Variants in SCN3A observed in about 807,000 individuals in gnomAD.
SCN3A encodes sodium channel protein type 3 subunit alpha.
Under a neutral mutation model 187.6 loss-of-function variants are expected in SCN3A, and 60 were observed. The ratio of observed to expected loss-of-function variants is 0.32; its 90% confidence interval spans 0.26 to 0.40. The LOEUF is 0.40. Ranked by LOEUF, SCN3A falls within the 10% of genes least tolerant of loss-of-function variation. The pLI is 1.00. For missense variants in SCN3A, 1,601 were observed against 2,428.2 expected, an observed-to-expected ratio of 0.66 and a Z score of 7.16; for synonymous variants, 788 against 829.2, an observed-to-expected ratio of 0.95 and a Z score of 0.85.
intron 11 of SCN3A, among the ~76,000 whole-genome samples, chr2:165,154,006 T>TTTTTTTTTTTTA: frequency 1.3e-5 from 2 of 149,632 alleles, no homozygotes; most frequent in Non-Finnish European, 1.5e-5. Flanking sequence ...TTTTTTTTTT[T>TTTTTTTTTTTTA]TTGCTACAGA....
chr2:165,184,089 G>T (rs1691069156), intron 2 of SCN3A, among the ~76,000 whole-genome samples: 1 of 152,056 alleles, frequency 6.6e-6, no homozygotes, highest in African/African-American at 2.4e-5. Flanking sequence ...GAGAGCTAAT[G>T]ATTGTCTGTT....
At chr2:165,124,431 A>C (rs893344063) in intron 18 of SCN3A, among the ~76,000 whole-genome samples, 1 of 152,112 alleles carries the variant, frequency 6.6e-6, no homozygotes, top group Non-Finnish European at 1.5e-5. Context: ...AAGTTTTTCT[A>C]TCTTTTAGCT....
chr2:165,141,284 C>CTA (rs1436662334), intron 12 of SCN3A, among the ~76,000 whole-genome samples: 1 of 152,136 alleles, frequency 6.6e-6, no homozygotes, highest in African/African-American at 2.4e-5. Context: ...TATCATAATG[C>CTA]TATAGGTTAG....
chr2:165,110,934 T>C (rs1309724756), intron 21 of SCN3A, among the ~76,000 whole-genome samples: 6 of 152,352 alleles, frequency 3.9e-5, no homozygotes, highest in Admixed American at 1.3e-4. Context: ...GATTTTTACA[T>C]GATAATCATG....
intron 12 of SCN3A, among the ~76,000 whole-genome samples, chr2:165,141,499 T>C (rs973255420): frequency 6.6e-6 from 1 of 152,236 alleles, no homozygotes; most frequent in African/African-American, 2.4e-5. Flanking sequence ...TTCAGGATAA[T>C]TACTTTTTTA....
chr2:165,132,814 CA>C (rs1399056326), intron 15 of SCN3A, among the ~76,000 whole-genome samples: 2 of 152,060 alleles, frequency 1.3e-5, no homozygotes, highest in Non-Finnish European at 2.9e-5. Flanking sequence ...TTCTGCACAG[CA>C]AAAGATACTA....
intron 11 of SCN3A, among the ~76,000 whole-genome samples, chr2:165,147,891 A>T (rs544388791): frequency 1.1e-4 from 16 of 152,188 alleles, no homozygotes; most frequent in Non-Finnish European, 1.9e-4. Flanking sequence ...TGACATACAG[A>T]GGATATGAAA....
At chr2:165,180,292 T>C (rs1174880486) in intron 2 of SCN3A, among the ~76,000 whole-genome samples, 1 of 152,180 alleles carries the variant, frequency 6.6e-6, no homozygotes, top group African/African-American at 2.4e-5. Flanking sequence ...CAGGAACCCA[T>C]GGTCACTTCC....
Position 165,193,190 on chromosome 2 carries a change from G to T in SCN3A, c.-247-6443C>A, listed in dbSNP as rs553133292. 1.7e-4 allele frequency among the ~76,000 whole-genome samples: 26 copies of T among 152,152 alleles called. 1 individual carries two copies. Among genetic ancestry groups the T allele is most frequent in the African/African-American group, 6.0e-4 (25 of 41,514 alleles). On this transcript the variant is annotated intron_variant, in intron 1 of 27. Coordinates refer to ENST00000283254, the MANE Select transcript of SCN3A (RefSeq NM_006922.4). The stretch of plus-strand genomic sequence containing the variant: ...CAAGGGATCAAACCCATGAACAAAT[G>T]CATGAATTAAGCAAGAGGCGAATCC...
chr2:165,103,556 C>T (rs1685707462), intron 21 of SCN3A, among the ~76,000 whole-genome samples: 1 of 152,112 alleles, frequency 6.6e-6, no homozygotes, highest in South Asian at 2.1e-4. Flanking sequence ...TATCACACTA[C>T]ACAGTAAATA....
At chr2:165,170,812 T>C (rs1690057733) in intron 3 of SCN3A, among the ~76,000 whole-genome samples, 1 of 152,036 alleles carries the variant, frequency 6.6e-6, no homozygotes, top group African/African-American at 2.4e-5. Flanking sequence ...AATTTTTTTA[T>C]GGAATTGTAG....
intron 4 of SCN3A, among the ~76,000 whole-genome samples, chr2:165,169,933 AAAAG>A (rs1273333285): frequency 1.9e-4 from 29 of 151,904 alleles, no homozygotes; most frequent in Non-Finnish European, 4.1e-4. Context: ...TTTACTGAAA[AAAAG>A]AAGGGAATAA....
At chr2:165,183,714 T>A (rs1691036821) in intron 2 of SCN3A, among the ~76,000 whole-genome samples, 1 of 152,240 alleles carries the variant, frequency 6.6e-6, no homozygotes, top group East Asian at 1.9e-4. Context: ...GTAGTGTCTC[T>A]CTTTCCCTCT....
rs1684994903 is a variant in SCN3A at position 165,089,917 on chromosome 2, T to C, written c.*233A>G. 1 of 560,950 alleles carries C rather than the reference T, an allele frequency of 1.8e-6. No individual in the cohort carries two copies. The allele number at this position is 560,950 out of a possible 1,614,324, so 34.7% of individuals were successfully genotyped here. ...GTCTAGGTAGCCATTGGGTTTCTCC[T>C]CAGCAGTGTCAGCTGGTAATAAAAA... On this transcript the variant is annotated 3_prime_UTR_variant, in exon 28 of 28. Coordinates refer to ENST00000283254, the MANE Select transcript of SCN3A (RefSeq NM_006922.4).
intron 17 of SCN3A, among the ~76,000 whole-genome samples, chr2:165,128,396 A>T (rs1183659325): frequency 6.6e-6 from 1 of 152,056 alleles, no homozygotes; most frequent in Non-Finnish European, 1.5e-5. Context: ...CAGTGCAAAG[A>T]CAAAATCCTA....
At chr2:165,156,669 A>G (rs556925122) in intron 9 of SCN3A, among the ~76,000 whole-genome samples, 1 of 152,008 alleles carries the variant, frequency 6.6e-6, no homozygotes, top group Non-Finnish European at 1.5e-5. Context: ...CAGAAAAAGT[A>G]TGAGGATAGT....
In SCN3A at chr2:165,156,381, T is replaced by C. The variant is rs1380447306; in HGVS notation, c.1032-478A>G. Among the ~76,000 whole-genome samples, 301 of 149,446 alleles carry C rather than the reference T, an allele frequency of 2.0e-3. 1 individual carries two copies. The highest frequency in any genetic ancestry group is 4.9e-3 in the Admixed American group (73 of 15,020). On this transcript the variant is annotated intron_variant, in intron 9 of 27. Transcript: ENST00000283254. ...AAAAACAATTAGCTGGGCGTTGTGG[T>C]GGGTGCCTGTAGTCCCAGCTACTCG...
At chr2:165,182,986 A>G (rs1014018215) in intron 2 of SCN3A, among the ~76,000 whole-genome samples, 1 of 151,922 alleles carries the variant, frequency 6.6e-6, no homozygotes, top group African/African-American at 2.4e-5. Flanking sequence ...AAAAAAAAAA[A>G]AAAGAAAGAA....
In SCN3A at chr2:165,183,566, T is replaced by G. The variant is rs1691024764; in HGVS notation, c.-51+2985A>C. On this transcript the variant is annotated intron_variant, in intron 2 of 27. Transcript: ENST00000283254. Reference sequence around the variant, plus strand: ...ATCTAGAAAAATAGCATTGTAAACATTTCGGATATGCTGTGGTGTTACTAA... The same window carrying G: ...ATCTAGAAAAATAGCATTGTAAACAGTTCGGATATGCTGTGGTGTTACTAA... 2.0e-5 allele frequency among the ~76,000 whole-genome samples: 3 copies of G among 152,232 alleles called. No homozygotes were observed. In the South Asian group the frequency reaches 6.2e-4, roughly 32 times the overall value.
Sources: allele counts gnomAD v4.1 joint callset (sites outside exome capture counted in the v4.1 genomes callset), GRCh38; gene constraint gnomAD v4.1.1; transcripts MANE v1.5; gene names NCBI Gene and HGNC (gene_info 2026-07-23, HGNC 2026-07-21).